NRXN3: variants seen among roughly 807,000 people sequenced by gnomAD.
NRXN3 encodes neurexin III.
A neutral mutation model predicts 137.6 loss-of-function variants in NRXN3; 32 were observed. That is an observed-to-expected ratio of 0.23 (90% CI 0.18 to 0.31). The LOEUF is 0.31. Ranked by LOEUF, NRXN3 falls within the 10% of genes least tolerant of loss-of-function variation. The pLI is 1.00. For synonymous variants in NRXN3, 798 were observed against 784.5 expected (o/e 1.02, Z -0.29); for missense variants, 1,574 against 2,062.5 (o/e 0.76, Z 4.59).
At chr14:79,535,244 T>C (rs913363974) in intron 16 of NRXN3, among the ~76,000 whole-genome samples, 3 of 152,188 alleles carry the variant, frequency 2.0e-5, no homozygotes, top group Non-Finnish European at 2.9e-5. Flanking sequence ...AATTAATTAA[T>C]TGTCTGAAAG....
chr14:79,541,291 G>A (rs900220669), intron 16 of NRXN3, among the ~76,000 whole-genome samples: 9 of 151,928 alleles, frequency 5.9e-5, no homozygotes, highest in African/African-American at 1.5e-4. Context: ...TAATCCCAAC[G>A]ATTCAGGAGG....
chr14:78,212,562 A>G (rs1566979228), intron 1 of NRXN3, among the ~76,000 whole-genome samples: 1 of 152,176 alleles, frequency 6.6e-6, no homozygotes, highest in Non-Finnish European at 1.5e-5. Flanking sequence ...TTGCCCTGCC[A>G]GGCTGTCAAA....
At chr14:78,790,841 A>G (rs1439991224) in intron 8 of NRXN3, among the ~76,000 whole-genome samples, 1 of 152,166 alleles carries the variant, frequency 6.6e-6, no homozygotes, top group African/African-American at 2.4e-5. Context: ...TTGATATGCT[A>G]AGAGCAAAAT....
chr14:78,834,757 G>A (rs1265551569), intron 10 of NRXN3, among the ~76,000 whole-genome samples: 2 of 152,058 alleles, frequency 1.3e-5, no homozygotes, highest in Non-Finnish European at 2.9e-5. Flanking sequence ...ATACTGCTGC[G>A]GCTACCAGCA....
chr14:79,143,398 G>A (rs1429441108), intron 15 of NRXN3, among the ~76,000 whole-genome samples: 2 of 152,336 alleles, frequency 1.3e-5, no homozygotes, highest in Non-Finnish European at 1.5e-5. Flanking sequence ...CAGTGAAAAG[G>A]AGGAGGGGGC....
At chr14:78,367,531 T>C (rs1256620598) in intron 4 of NRXN3, among the ~76,000 whole-genome samples, 6 of 152,226 alleles carry the variant, frequency 3.9e-5, no homozygotes, top group Non-Finnish European at 8.8e-5. Context: ...TATTTGCATG[T>C]CACCTACTCT....
chr14:79,581,962 C>CT lies in NRXN3; in HGVS notation c.3445-81815dup, dbSNP rs112878639. Among the ~76,000 whole-genome samples, 130 of 152,298 alleles carry CT rather than the reference C, an allele frequency of 8.5e-4. No homozygotes were observed. The Middle Eastern group carries it at 0.017, about 20-fold the overall frequency. On this transcript the variant is annotated intron_variant, in intron 16 of 20. Coordinates refer to ENST00000335750, the MANE Select transcript of NRXN3 (RefSeq NM_001330195.2). ...TATTTTTGGGGAACAGGGTTTTACT[C>CT]TGTTACTCAGGCTACAATGTGGTGG...
chr14:78,380,331 T>A lies in NRXN3; in HGVS notation c.757+82471T>A, dbSNP rs1255074307. On this transcript the variant is annotated intron_variant, in intron 4 of 20. Transcript: ENST00000335750. ...TCAAAAAAAAAAAAAAAAAAAAAGA[T>A]GTGTTTACATCTTAATCCCTGGAAT... Among the ~76,000 whole-genome samples the A allele has an allele frequency of 2.9e-4, 29 of 98,704 alleles. 2 individuals carry two copies. Among genetic ancestry groups the A allele is most frequent in the Non-Finnish European group, 3.5e-4 (15 of 43,022 alleles). The allele number at this position is 98,704 out of a possible 152,430, so 64.8% of individuals were successfully genotyped here.
At chr14:78,726,412 TC>T (rs2098483698) in intron 8 of NRXN3, among the ~76,000 whole-genome samples, 1 of 151,348 alleles carries the variant, frequency 6.6e-6, no homozygotes, top group African/African-American at 2.4e-5. Context: ...ATTTTTCAAC[TC>T]CCACTTATGA....
chr14:79,524,670 C>T (rs972164110), intron 16 of NRXN3, among the ~76,000 whole-genome samples: 1 of 152,146 alleles, frequency 6.6e-6, no homozygotes, highest in Non-Finnish European at 1.5e-5. Context: ...GAGAGTTTTT[C>T]CCTTGGCCTT....
chr14:79,471,230 A>T (rs967439340), intron 16 of NRXN3, among the ~76,000 whole-genome samples: 27 of 152,246 alleles, frequency 1.8e-4, no homozygotes, highest in African/African-American at 6.3e-4. Context: ...CAGGAGTGGC[A>T]AATAGGCTTC....
At chr14:78,473,248 A>C (rs1446312673) in intron 4 of NRXN3, among the ~76,000 whole-genome samples, 2 of 151,834 alleles carry the variant, frequency 1.3e-5, no homozygotes, top group Non-Finnish European at 2.9e-5. Flanking sequence ...TAAAAATACA[A>C]AAAATTAGCT....
intron 20 of NRXN3, among the ~76,000 whole-genome samples, chr14:79,844,409 A>G (rs1344749276): frequency 1.3e-5 from 2 of 151,432 alleles, no homozygotes; most frequent in African/African-American, 2.4e-5. Context: ...TAGAAGAATC[A>G]CTATCTATGG....
intron 10 of NRXN3, among the ~76,000 whole-genome samples, chr14:78,930,128 G>A (rs79423546): frequency 0.058 from 8,855 of 152,132 alleles, 485 homozygotes; most frequent in African/African-American, 0.14. Flanking sequence ...TGAGCTTAAC[G>A]CTCTTCAAGT....
rs1224363767 is a variant in NRXN3 at position 78,957,333 on chromosome 14, G to A, written c.2367G>A (p.Lys789=). 3.1e-6 allele frequency: 5 copies of A among 1,613,998 alleles called. No individual in the cohort carries two copies. The African/African-American group carries it at 5.3e-5, about 17-fold the overall frequency. ...TGGTGCGGAGAGGAAAAAGCCTTAA[G>A]TTAACCGTGGATGATGATGTGGCTG... ...VRVVRRGKSL[K]LTVDDDVAEG... Residue 789 remains lysine (K), a synonymous_variant, in exon 11 of 21, where the codon AAG becomes AAA. Coordinates refer to ENST00000335750, the MANE Select transcript of NRXN3 (RefSeq NM_001330195.2).
At chr14:79,086,266 T>C (rs141824657) in intron 15 of NRXN3, among the ~76,000 whole-genome samples, 128 of 152,228 alleles carry the variant, frequency 8.4e-4, no homozygotes, top group African/African-American at 3.1e-3. Flanking sequence ...TGAGGCAAAG[T>C]CATTTTCTCA....
At chr14:78,615,711 G>A (rs949633302) in intron 4 of NRXN3, among the ~76,000 whole-genome samples, 5 of 152,288 alleles carry the variant, frequency 3.3e-5, no homozygotes, top group African/African-American at 1.2e-4. Flanking sequence ...AAAGTGGGAG[G>A]ATTGCTTGAG....
chr14:79,324,292 G>C (rs1381184342), intron 15 of NRXN3, among the ~76,000 whole-genome samples: 1 of 152,172 alleles, frequency 6.6e-6, no homozygotes, highest in Non-Finnish European at 1.5e-5. Context: ...TTGAAAAGCA[G>C]ATTTAAAAAA....
chr14:79,100,957 G>T (rs1309029311), intron 15 of NRXN3, among the ~76,000 whole-genome samples: 1 of 152,154 alleles, frequency 6.6e-6, no homozygotes, highest in Non-Finnish European at 1.5e-5. Flanking sequence ...TGTTGAAACA[G>T]AAGCTCTACT....
Sources: allele counts gnomAD v4.1 joint callset (sites outside exome capture counted in the v4.1 genomes callset), GRCh38; gene constraint gnomAD v4.1.1; transcripts MANE v1.5; gene names NCBI Gene and HGNC (gene_info 2026-07-23, HGNC 2026-07-21).